Variants in PPP1R9A observed in about 807,000 individuals in gnomAD.
PPP1R9A encodes protein phosphatase 1 regulatory subunit 9A.
In PPP1R9A, 59 loss-of-function variants were observed where a neutral mutation model predicts 141.9. That is an observed-to-expected ratio of 0.42 (90% CI 0.34 to 0.52). The LOEUF is 0.52. Among genes scored for constraint, PPP1R9A ranks in the 20% least tolerant of loss-of-function variants. PPP1R9A has a pLI of 0.10. For missense variants in PPP1R9A, 1,444 were observed against 1,611.9 expected, an observed-to-expected ratio of 0.90 and a Z score of 1.78; for synonymous variants, 500 against 569.7, an observed-to-expected ratio of 0.88 and a Z score of 1.74.
intron 4 of PPP1R9A, among the ~76,000 whole-genome samples, chr7:95,138,976 G>T (rs983185272): frequency 2.6e-5 from 4 of 152,088 alleles, no homozygotes; most frequent in Non-Finnish European, 5.9e-5. Context: ...TTAACTTTTT[G>T]ATCCAGCAAT....
chr7:95,216,776 A>G (rs374100544), intron 7 of PPP1R9A, among the ~76,000 whole-genome samples: 2 of 152,016 alleles, frequency 1.3e-5, no homozygotes, highest in Non-Finnish European at 2.9e-5. Flanking sequence ...TTTGTCTGTT[A>G]TTGGTGTATA....
At chr7:95,115,127 C>T (rs1821252392) in intron 3 of PPP1R9A, among the ~76,000 whole-genome samples, 1 of 151,916 alleles carries the variant, frequency 6.6e-6, no homozygotes, top group African/African-American at 2.4e-5. Flanking sequence ...TAATACAAAT[C>T]CTTTTCATTG....
At chr7:95,142,097 T>TC (rs1218908785) in intron 4 of PPP1R9A, among the ~76,000 whole-genome samples, 1 of 152,164 alleles carries the variant, frequency 6.6e-6, no homozygotes, top group Non-Finnish European at 1.5e-5. Flanking sequence ...GGTTTGCATT[T>TC]CCCTGGTGGC....
intron 16 of PPP1R9A, among the ~76,000 whole-genome samples, chr7:95,277,044 A>G (rs1209480035): frequency 6.6e-6 from 1 of 152,168 alleles, no homozygotes; most frequent in East Asian, 1.9e-4. Context: ...GGCAACTGGG[A>G]ATACACTCAC....
At position 94,998,545 on chromosome 7, in the gene PPP1R9A, A is replaced by G. The variant is rs550616633; in HGVS notation, c.1395+87037A>G. On this transcript the variant is annotated intron_variant, in intron 2 of 19. Transcript: ENST00000433360. ...CTCTTTGATTTTGAGCTGTTTCAGC[A>G]TGAGATTCTTGAGAACTCCATTTCC... Among the ~76,000 whole-genome samples the G allele has an allele frequency of 7.2e-5, 11 of 152,304 alleles. No individual in the cohort carries two copies. The East Asian group carries it at 9.6e-4, about 13-fold the overall frequency.
chr7:95,231,799 C>T (rs1795996396), intron 8 of PPP1R9A, among the ~76,000 whole-genome samples: 3 of 152,030 alleles, frequency 2.0e-5, no homozygotes, highest in Admixed American at 2.0e-4. Flanking sequence ...TCTGAAAGGG[C>T]TCAAACTGAC....
rs895370909 is a variant in PPP1R9A, at chr7:95,123,050, G to GA, written c.1649+2228dup. On this transcript the variant is annotated intron_variant, in intron 4 of 19. Transcript: ENST00000433360. The stretch of plus-strand genomic sequence containing the variant: ...TTAATAGCCATGTAACAGATGTCCT[G>GA]AAAAAAAAAAGAAAGAAAAATAAAA... Among the ~76,000 whole-genome samples, 751 of 145,648 alleles carry GA rather than the reference G, an allele frequency of 5.2e-3. 6 individuals are homozygous for GA. Among genetic ancestry groups the GA allele is most frequent in the African/African-American group, 0.018 (698 of 39,758 alleles).
chr7:95,175,710 A>G (rs1832800052), intron 5 of PPP1R9A, among the ~76,000 whole-genome samples: 1 of 152,128 alleles, frequency 6.6e-6, no homozygotes, highest in South Asian at 2.1e-4. Context: ...CATTCACATT[A>G]AACTTTAAAT....
chr7:95,036,883 A>G (rs914735988), intron 2 of PPP1R9A: 1 of 152,112 alleles, frequency 6.6e-6, no homozygotes. Context: ...CAGTTCATCA[A>G]TTTGATTTCT....
intron 2 of PPP1R9A, among the ~76,000 whole-genome samples, chr7:94,982,129 C>T (rs1336453098): frequency 6.6e-6 from 1 of 152,122 alleles, no homozygotes; most frequent in Non-Finnish European, 1.5e-5. Flanking sequence ...CCAGCTTCAT[C>T]CATGTCCCTA....
intron 2 of PPP1R9A, among the ~76,000 whole-genome samples, chr7:95,008,309 C>T (rs1482385636): frequency 6.6e-6 from 1 of 152,086 alleles, no homozygotes; most frequent in African/African-American, 2.4e-5. Context: ...GAAACACCTA[C>T]TTGAAATCTC....
intron 2 of PPP1R9A, among the ~76,000 whole-genome samples, chr7:94,998,345 C>G (rs1802445670): frequency 6.6e-6 from 1 of 152,120 alleles, no homozygotes; most frequent in Non-Finnish European, 1.5e-5. Context: ...AACTATTTAC[C>G]CCTCTCATTT....
At chr7:95,129,732 T>C (rs1467790514) in intron 4 of PPP1R9A, among the ~76,000 whole-genome samples, 2 of 152,172 alleles carry the variant, frequency 1.3e-5, no homozygotes, top group Non-Finnish European at 2.9e-5. Context: ...TGAGGTGTCC[T>C]CAGATGGAGA....
At chr7:94,925,407 A>G (rs1175983169) in intron 2 of PPP1R9A, among the ~76,000 whole-genome samples, 1 of 152,152 alleles carries the variant, frequency 6.6e-6, no homozygotes, top group Admixed American at 6.5e-5. Context: ...ATTAACCATC[A>G]CGGTCAAGCT....
chr7:95,194,940 T>C (rs2152843393), intron 5 of PPP1R9A, among the ~76,000 whole-genome samples: 1 of 152,250 alleles, frequency 6.6e-6, no homozygotes, highest in East Asian at 1.9e-4. Flanking sequence ...CCCAATGGGC[T>C]TTATTTTAGA....
intron 4 of PPP1R9A, among the ~76,000 whole-genome samples, chr7:95,141,899 A>G (rs1412408919): frequency 6.6e-6 from 1 of 152,004 alleles, no homozygotes; most frequent in East Asian, 1.9e-4. Context: ...CTAGTGGTAG[A>G]GTTTCTGGGT....
At chr7:95,276,253 G>A (rs1803166836) in intron 16 of PPP1R9A, among the ~76,000 whole-genome samples, 1 of 152,124 alleles carries the variant, frequency 6.6e-6, no homozygotes, top group South Asian at 2.1e-4. Flanking sequence ...CCAGAAAGGG[G>A]GAGGGTGTTT....
At chr7:95,188,600 GTTTT>G (rs150725765) in intron 5 of PPP1R9A, among the ~76,000 whole-genome samples, 2 of 133,410 alleles carry the variant, frequency 1.5e-5, no homozygotes. Flanking sequence ...GTTGTGTTTT[GTTTT>G]TTTTTTTTTT....
chr7:94,908,556 T>G (rs1411610126), intron 1 of PPP1R9A: 1 of 152,170 alleles, frequency 6.6e-6, no homozygotes, highest in Admixed American at 6.6e-5. Flanking sequence ...GCCGAGGGAT[T>G]GCGTCCCGAA....
Sources: allele counts gnomAD v4.1 joint callset (sites outside exome capture counted in the v4.1 genomes callset), GRCh38; gene constraint gnomAD v4.1.1; transcripts MANE v1.5; gene names NCBI Gene and HGNC (gene_info 2026-07-23, HGNC 2026-07-21).